The following NLRP14 variants were observed in gnomAD, a reference collection of about 807,000 sequenced individuals.
The protein encoded by NLRP14 is NLR family pyrin domain containing 14.
Under a neutral mutation model 94.7 loss-of-function variants are expected in NLRP14, and 105 were observed. That is an observed-to-expected ratio of 1.11 (90% CI 0.95 to 1.30). The LOEUF is 1.30. Ranked by LOEUF, NLRP14 falls within the 50% of genes most tolerant of loss-of-function variation. The pLI, the probability that NLRP14 is intolerant of heterozygous loss-of-function variation, is 0.00. For synonymous variants in NLRP14, 508 were observed against 459.9 expected (o/e 1.10, Z -1.34); for missense variants, 1,362 against 1,254.1 (o/e 1.09, Z -1.30).
chr11:7,043,394 TG>T lies in NLRP14; in HGVS notation c.1369del (p.Val457SerfsTer38), dbSNP rs772006340. On this transcript the variant is annotated frameshift_variant, in exon 4 of 12. Coordinates refer to ENST00000299481, the MANE Select transcript of NLRP14 (RefSeq NM_176822.4). LOFTEE classifies it high-confidence loss of function. Reference protein sequence around the residue: ...LRRLGLTQSDVSSFMDSNIIQ... With the variant: ...LRRLGLTQSDXSSFMDSNIIQ... Reference sequence around the variant, plus strand: ...GAAGGCTTGGGTTAACTCAATCTGATGTCTCTAGTTTTATGGACAGCAATAT... The same window carrying T: ...GAAGGCTTGGGTTAACTCAATCTGATTCTCTAGTTTTATGGACAGCAATAT... 2.5e-6 allele frequency: 4 copies of T among 1,614,172 alleles called. No individual in the cohort carries two copies. Among genetic ancestry groups the T allele is most frequent in the Non-Finnish European group, 3.4e-6 (4 of 1,179,990 alleles).
At chr11:7,063,414 A>G (rs932993113) in intron 10 of NLRP14, among the ~76,000 whole-genome samples, 1 of 152,062 alleles carries the variant, frequency 6.6e-6, no homozygotes, top group East Asian at 1.9e-4. Context: ...CTGCACATGC[A>G]ACATTGAGAC....
rs370253823 is a variant in NLRP14 at position 7,047,763 on chromosome 11, C to CTTTTTTTTTT, written c.2123+935_2123+936insTTTTTTTTTT. Among the ~76,000 whole-genome samples, 20 of 123,840 alleles carry CTTTTTTTTTT rather than the reference C, an allele frequency of 1.6e-4. 2 individuals are homozygous for CTTTTTTTTTT. The highest frequency in any genetic ancestry group is 2.6e-4 in the Admixed American group (3 of 11,544). The allele number at this position is 123,840 out of a possible 152,430, so 81.2% of individuals were successfully genotyped here. On this transcript the variant is annotated intron_variant, in intron 5 of 11. Coordinates refer to ENST00000299481, the MANE Select transcript of NLRP14 (RefSeq NM_176822.4). ...AATTTATCTTCTTTCTCTTTCTTTTCTTTTCTTTTTTTTTTTTGAGACAGT... is the reference window on the plus strand; with the variant it reads ...AATTTATCTTCTTTCTCTTTCTTTTCTTTTTTTTTTTTTTCTTTTTTTTTTTTGAGACAGT...
chr11:7,066,205 A>C (rs1406908941), intron 10 of NLRP14, among the ~76,000 whole-genome samples: 4 of 152,140 alleles, frequency 2.6e-5, no homozygotes, highest in Non-Finnish European at 5.9e-5. Flanking sequence ...ATGATTTCTT[A>C]TCCTTTGGGT....
At chr11:7,044,616 C>T (rs563404119) in intron 4 of NLRP14, among the ~76,000 whole-genome samples, 25 of 152,202 alleles carry the variant, frequency 1.6e-4, no homozygotes, top group African/African-American at 5.3e-4. Flanking sequence ...AAGTGTTTTA[C>T]GTACATTATT....
At chr11:7,087,284 T>C in the NLRP14 span, among the ~76,000 whole-genome samples, 3 of 152,248 alleles carry the variant, frequency 2.0e-5, no homozygotes, top group African/African-American at 4.8e-5. Flanking sequence ...TATTGACTTA[T>C]GATTTTGTCT....
the NLRP14 span, chr11:7,090,228 T>C: frequency 6.2e-7 from 1 of 1,611,406 alleles, no homozygotes. Context: ...CCGGTCAGGC[T>C]GCAGGGTGCC....
rs368883062 is a variant in NLRP14 at position 7,038,768 on chromosome 11, T to C, written c.182T>C (p.Leu61Ser). Reference protein sequence around the residue: ...KKARREDLANLMKKYYPGEKA... With the variant: ...KKARREDLANSMKKYYPGEKA... ...GCCAGGCGGGAGGACCTGGCCAATT[T>C]GATGAAGAAATATTATCCAGGAGAG... The change falls in exon 2 of 12, where the codon TTG becomes TCG. Residue 61 changes from leucine (L) to serine (S), a missense_variant. By Grantham distance (145) the Leu-to-Ser change is moderately radical (BLOSUM62 -2). Coordinates refer to ENST00000299481, the MANE Select transcript of NLRP14 (RefSeq NM_176822.4). The C allele has an allele frequency of 1.2e-6, 2 of 1,613,546 alleles. No individual in the cohort carries two copies. Among genetic ancestry groups the C allele is most frequent in the African/African-American group, 2.7e-5 (2 of 74,970 alleles).
chr11:7,077,786 G>T, the NLRP14 span, among the ~76,000 whole-genome samples: 1 of 152,208 alleles, frequency 6.6e-6, no homozygotes, highest in Non-Finnish European at 1.5e-5. Context: ...GCATGGGAGA[G>T]ACCTGACTAC....
chr11:7,076,736 C>T, the NLRP14 span, among the ~76,000 whole-genome samples: 2 of 151,934 alleles, frequency 1.3e-5, no homozygotes, highest in South Asian at 2.1e-4. Context: ...TATTTCCCAT[C>T]GCTTGTCTCC....
intron 10 of NLRP14, among the ~76,000 whole-genome samples, chr11:7,068,790 A>G (rs547476392): frequency 6.6e-6 from 1 of 152,250 alleles, no homozygotes; most frequent in African/African-American, 2.4e-5. Flanking sequence ...AGCTAGGACT[A>G]CAGGTGTGCA....
chr11:7,056,400 TG>T (rs1852515203), intron 6 of NLRP14, among the ~76,000 whole-genome samples: 1 of 151,534 alleles, frequency 6.6e-6, no homozygotes. Flanking sequence ...TGATTTGTAA[TG>T]ATCTCTTCTT....
At chr11:7,057,307 T>C (rs1436622035) in intron 6 of NLRP14, among the ~76,000 whole-genome samples, 2 of 152,078 alleles carry the variant, frequency 1.3e-5, no homozygotes, top group African/African-American at 4.8e-5. Flanking sequence ...TGTCCATTTC[T>C]GTTCTGTTTC....
intron 10 of NLRP14, among the ~76,000 whole-genome samples, chr11:7,066,505 T>G (rs1219580839): frequency 1.3e-5 from 2 of 152,232 alleles, no homozygotes; most frequent in Non-Finnish European, 2.9e-5. Flanking sequence ...CATAAATGTC[T>G]TCTTTTGAGA....
chr11:7,061,841 G>A (rs16921990), intron 9 of NLRP14, among the ~76,000 whole-genome samples: 6,963 of 152,036 alleles, frequency 0.046, 300 homozygotes, highest in African/African-American at 0.11. Context: ...GAATAATGTG[G>A]GGACAAAATA....
At chr11:7,062,232 G>T in intron 9 of NLRP14, 101 bp from the exon 10 acceptor site, 1 of 958,584 alleles carries the variant, frequency 1.0e-6, no homozygotes, top group Non-Finnish European at 1.7e-6. Flanking sequence ...AGATAGAAAA[G>T]AGTGAGAAAA....
In NLRP14 at chr11:7,059,960, G is replaced by C. The variant is rs1852589724; in HGVS notation, c.2700G>C (p.Lys900Asn). ...EYLSTSLLHN[K>N]SLTHLDLGSN... ...TGTCAACTTCTCTTCTACACAACAA[G>C]AGCCTGACGCATCTGGATCTAGGAT... Residue 900 changes from lysine to asparagine, a missense_variant, in exon 9 of 12, where the codon AAG (lysine) becomes AAC (asparagine). Transcript: ENST00000299481. 2 of 1,612,548 alleles carry C rather than the reference G, an allele frequency of 1.2e-6. No homozygotes were observed. The highest frequency in any genetic ancestry group is 1.7e-6 in the Non-Finnish European group (2 of 1,178,948).
At chr11:7,031,732 A>G (rs1852100028) in intron 1 of NLRP14, among the ~76,000 whole-genome samples, 2 of 152,136 alleles carry the variant, frequency 1.3e-5, no homozygotes, top group Admixed American at 1.3e-4. Context: ...GCCGTCTTTC[A>G]TTCACTCTGA....
At chr11:7,049,552 T>C in intron 5 of NLRP14, 119 bp from the exon 6 acceptor site, 1 of 778,896 alleles carries the variant, frequency 1.3e-6, no homozygotes. Flanking sequence ...TTGTTTTAGA[T>C]GAAAATAAGA....
downstream of NLRP14, among the ~76,000 whole-genome samples, chr11:7,072,921 G>C (rs1185240001): frequency 6.6e-6 from 1 of 152,098 alleles, no homozygotes; most frequent in East Asian, 1.9e-4. Context: ...ACTTCTCTGG[G>C]GGCCCTCCCT....
Sources: gnomAD v4.1 joint callset for allele counts (sites outside exome capture counted in the v4.1 genomes callset) on GRCh38, gnomAD v4.1.1 for gene constraint, MANE v1.5 for transcripts, NCBI Gene and HGNC (gene_info 2026-07-23, HGNC 2026-07-21) for gene names.